Variants in LIN28B observed in about 807,000 individuals in gnomAD.
LIN28B encodes the protein protein lin-28 homolog B.
A neutral mutation model predicts 21.9 loss-of-function variants in LIN28B; 5 were observed. The observed-to-expected ratio is 0.23, with a 90% CI of 0.12 to 0.48. The LOEUF is 0.48. Among genes scored for constraint, LIN28B ranks in the 20% least tolerant of loss-of-function variants. LIN28B has a pLI of 0.98. For synonymous variants in LIN28B, 109 were observed against 111.3 expected (o/e 0.98, Z 0.13); for missense variants, 245 against 310.5 (o/e 0.79, Z 1.58).
chr6:105,014,895 A>AT lies in LIN28B; in HGVS notation c.199-11393dup, dbSNP rs565708782. Among the ~76,000 whole-genome samples, 763 of 149,184 alleles carry AT rather than the reference A, an allele frequency of 5.1e-3. 3 individuals carry two copies. Among genetic ancestry groups the AT allele is most frequent in the South Asian group, 7.8e-3 (37 of 4,738 alleles). On this transcript the variant is annotated intron_variant, in intron 2 of 3. Transcript: ENST00000345080. ...TTTAAAAATTTTTAAATTTCCCGTG[A>AT]TTTTTTTTTTGCATTATCAGGTCAA... is the stretch of plus-strand genomic sequence containing the variant.
intron 3 of LIN28B, among the ~76,000 whole-genome samples, chr6:105,076,845 C>T (rs1772434925): frequency 6.6e-6 from 1 of 151,854 alleles, no homozygotes; most frequent in Non-Finnish European, 1.5e-5. Flanking sequence ...ACCTCATAAT[C>T]CGCCTGTCTC....
intron 3 of LIN28B, among the ~76,000 whole-genome samples, chr6:105,070,592 C>CCAAACACACACACACACA (rs1772311912): frequency 4.3e-5 from 4 of 92,228 alleles, no homozygotes; most frequent in African/African-American, 1.8e-4. Flanking sequence ...ATCAATAAAA[C>CCAAACACACACACACACA]CACACACACA....
At chr6:105,005,930 T>G (rs1770808392) in intron 2 of LIN28B, among the ~76,000 whole-genome samples, 1 of 152,238 alleles carries the variant, frequency 6.6e-6, no homozygotes, top group South Asian at 2.1e-4. Context: ...CTTTCTTGTT[T>G]TCAGGAGACT....
chr6:104,963,746 C>T lies in LIN28B; in HGVS notation c.198+5460C>T, dbSNP rs974712588. Among the ~76,000 whole-genome samples, 6 of 152,302 alleles carry T rather than the reference C, an allele frequency of 3.9e-5. No individual in the cohort carries two copies. The East Asian group carries it at 1.2e-3, about 29-fold the overall frequency. On this transcript the variant is annotated intron_variant, in intron 2 of 3. Coordinates refer to ENST00000345080, the MANE Select transcript of LIN28B (RefSeq NM_001004317.4). The stretch of plus-strand genomic sequence containing the variant: ...AATGTACATTGACACATCATAATCA[C>T]ACAGAGTCCATAGTTTATATTAGTG...
chr6:105,029,821 A>G (rs76105584), intron 3 of LIN28B, among the ~76,000 whole-genome samples: 3,019 of 152,304 alleles, frequency 0.02, 93 homozygotes, highest in African/African-American at 0.066. Flanking sequence ...TGAGAATGAC[A>G]AAGGGCACTG....
chr6:104,981,525 G>T (rs1008624606), intron 2 of LIN28B, among the ~76,000 whole-genome samples: 3 of 152,038 alleles, frequency 2.0e-5, no homozygotes, highest in Non-Finnish European at 4.4e-5. Flanking sequence ...TTAATTCTTG[G>T]CTTTCAGTTA....
At chr6:104,973,282 A>C (rs1049481009) in intron 2 of LIN28B, among the ~76,000 whole-genome samples, 2 of 152,202 alleles carry the variant, frequency 1.3e-5, no homozygotes, top group Non-Finnish European at 1.5e-5. Flanking sequence ...TTGAATATAT[A>C]TTCCAAAATC....
intron 2 of LIN28B, among the ~76,000 whole-genome samples, chr6:104,974,491 A>G (rs1223372798): frequency 3.3e-5 from 5 of 150,062 alleles, no homozygotes; most frequent in Admixed American, 6.6e-5. Flanking sequence ...TCCATCTCAA[A>G]AAAAAAAAAA....
At position 105,000,645 on chromosome 6, in the gene LIN28B, TTAAA is replaced by T. The variant is rs1454692387; in HGVS notation, c.199-25649_199-25646del. ...GTTTTAATTTAATAGGTAAAATAATTTAAATAATAAAGAATAAAAATTTAAAATA... is the reference window on the plus strand; with the variant it reads ...GTTTTAATTTAATAGGTAAAATAATTTAATAAAGAATAAAAATTTAAAATA... On this transcript the variant is annotated intron_variant, in intron 2 of 3. Transcript: ENST00000345080. Among the ~76,000 whole-genome samples the T allele has an allele frequency of 4.0e-5, 6 of 151,746 alleles. No homozygotes were observed. In the South Asian group the frequency reaches 6.2e-4, roughly 16 times the overall value.
At chr6:105,023,150 G>T (rs1002964197) in intron 2 of LIN28B, among the ~76,000 whole-genome samples, 1 of 132,120 alleles carries the variant, frequency 7.6e-6, no homozygotes, top group Non-Finnish European at 1.5e-5. Flanking sequence ...TAATAGCAAA[G>T]ACAGAGTATT....
intron 2 of LIN28B, among the ~76,000 whole-genome samples, chr6:105,023,336 T>C (rs1197868020): frequency 4.5e-4 from 13 of 28,984 alleles, no homozygotes; most frequent in African/African-American, 1.7e-3. Flanking sequence ...TATATAATTA[T>C]ATTATATATA....
chr6:105,012,774 T>C (rs574533427), intron 2 of LIN28B, among the ~76,000 whole-genome samples: 2 of 152,190 alleles, frequency 1.3e-5, no homozygotes. Flanking sequence ...ACCCCTAATA[T>C]ACATTTGCAC....
At chr6:105,076,846 C>T (rs568183921) in intron 3 of LIN28B, among the ~76,000 whole-genome samples, 25 of 151,936 alleles carry the variant, frequency 1.6e-4, no homozygotes, top group African/African-American at 4.8e-4. Context: ...CCTCATAATC[C>T]GCCTGTCTCG....
rs190795463 is a variant in LIN28B, at chr6:105,050,069, G to A, written c.383+23587G>A. ...ATGATGTTAGCTGGTTATTTTGCTC[G>A]TTAGTTGATGCAGTTTCTTCCTAGC... is the stretch of plus-strand genomic sequence containing the variant. On this transcript the variant is annotated intron_variant, in intron 3 of 3. Transcript: ENST00000345080. 4.5e-3 allele frequency among the ~76,000 whole-genome samples: 685 copies of A among 152,228 alleles called. 9 individuals carry two copies. Among genetic ancestry groups the A allele is most frequent in the African/African-American group, 0.015 (643 of 41,536 alleles).
chr6:104,954,469 C>T (rs1373819204), upstream of LIN28B, among the ~76,000 whole-genome samples: 2 of 152,162 alleles, frequency 1.3e-5, no homozygotes, highest in Non-Finnish European at 2.9e-5. Flanking sequence ...TTACTTCTCT[C>T]CCTTTCCAAC....
chr6:105,002,241 T>G (rs890152656), intron 2 of LIN28B, among the ~76,000 whole-genome samples: 6 of 151,386 alleles, frequency 4.0e-5, no homozygotes, highest in African/African-American at 1.5e-4. Flanking sequence ...GCCATAAAGG[T>G]TTTCTCCTGT....
At chr6:105,060,272 T>C (rs1356464941) in intron 3 of LIN28B, among the ~76,000 whole-genome samples, 1 of 151,928 alleles carries the variant, frequency 6.6e-6, no homozygotes, top group Non-Finnish European at 1.5e-5. Flanking sequence ...TGTTTGTTTG[T>C]TTCTTTGTTG....
chr6:104,946,217 T>C (rs948994837), intron 2 of LIN28B, among the ~76,000 whole-genome samples: 11 of 152,098 alleles, frequency 7.2e-5, no homozygotes, highest in Non-Finnish European at 1.3e-4. Context: ...TCCAATAGCC[T>C]AATATTTTTA....
At chr6:104,990,149 C>T (rs1184107939) in intron 2 of LIN28B, among the ~76,000 whole-genome samples, 1 of 151,134 alleles carries the variant, frequency 6.6e-6, no homozygotes, top group East Asian at 1.9e-4. Flanking sequence ...TGTAATTGAG[C>T]CACATTTAAT....
Sources: gnomAD v4.1 joint callset for allele counts (sites outside exome capture counted in the v4.1 genomes callset) on GRCh38, gnomAD v4.1.1 for gene constraint, MANE v1.5 for transcripts, NCBI Gene and HGNC (gene_info 2026-07-23, HGNC 2026-07-21) for gene names.